Variants in PLCH1 observed in about 807,000 individuals in gnomAD.
PLCH1 encodes 1-phosphatidylinositol 4,5-bisphosphate phosphodiesterase eta-1.
A neutral mutation model predicts 126.7 loss-of-function variants in PLCH1; 60 were observed. That is an observed-to-expected ratio of 0.47 (90% CI 0.38 to 0.59). PLCH1 has a LOEUF of 0.59. Ranked by LOEUF, PLCH1 falls within the 20% of genes least tolerant of loss-of-function variation. The pLI is 0.00. For synonymous variants in PLCH1, 719 were observed against 734.9 expected, an observed-to-expected ratio of 0.98 and a Z score of 0.35; for missense variants, 1,723 against 2,040.0, an observed-to-expected ratio of 0.84 and a Z score of 2.99.
chr3:155,502,012 A>ACC (rs149191345), intron 13 of PLCH1, among the ~76,000 whole-genome samples: 13,719 of 151,608 alleles, frequency 0.09, 684 homozygotes, highest in African/African-American at 0.12. Flanking sequence ...CTTCTCCTAA[A>ACC]CCCCCCCAAA....
rs1728549192 is a variant in PLCH1, at chr3:155,566,375, A to ATG, written c.866-1259_866-1258dup. ...TACATATATATACACACATATATAT[A>ATG]TGTGTGTATATATATGTTGACTTTT... On this transcript the variant is annotated intron_variant, in intron 7 of 22. Coordinates refer to ENST00000460012, the MANE Select transcript of PLCH1 (RefSeq NM_014996.4). Among the ~76,000 whole-genome samples, 6 of 145,402 alleles carry ATG rather than the reference A, an allele frequency of 4.1e-5. 2 individuals are homozygous for ATG. The Middle Eastern group carries it at 0.022, about 527-fold the overall frequency.
At chr3:155,635,711 T>C (rs1246532652) in intron 2 of PLCH1, among the ~76,000 whole-genome samples, 1 of 152,246 alleles carries the variant, frequency 6.6e-6, no homozygotes, top group Non-Finnish European at 1.5e-5. Context: ...TGAAAAGCCA[T>C]GCCTTGCGGT....
At chr3:155,634,035 C>T (rs1173159824) in intron 2 of PLCH1, among the ~76,000 whole-genome samples, 1 of 152,142 alleles carries the variant, frequency 6.6e-6, no homozygotes, top group Non-Finnish European at 1.5e-5. Context: ...GTTGTTCTAA[C>T]AGCATCAATA....
At chr3:155,601,644 C>T (rs1011605387) in intron 2 of PLCH1, among the ~76,000 whole-genome samples, 1 of 152,122 alleles carries the variant, frequency 6.6e-6, no homozygotes, top group African/African-American at 2.4e-5. Flanking sequence ...ATGTTTGAAT[C>T]AGAAATAATC....
At chr3:155,463,184 C>A (rs1051584898) in intron 21 of PLCH1, among the ~76,000 whole-genome samples, 3 of 152,092 alleles carry the variant, frequency 2.0e-5, no homozygotes, top group African/African-American at 7.2e-5. Flanking sequence ...TGCACTCCCA[C>A]CCCCCAGTGA....
intron 21 of PLCH1, among the ~76,000 whole-genome samples, chr3:155,458,498 G>GA (rs776599269): frequency 2.9e-5 from 2 of 69,770 alleles, no homozygotes; most frequent in East Asian, 4.5e-4. Context: ...AAGAAAGAAA[G>GA]AGAAAGAAGA....
chr3:155,561,549 T>A (rs1311395579), intron 8 of PLCH1, among the ~76,000 whole-genome samples: 5 of 151,870 alleles, frequency 3.3e-5, no homozygotes, highest in African/African-American at 1.2e-4. Flanking sequence ...GACATTTGGG[T>A]TGGTTCCAAG....
intron 1 of PLCH1, among the ~76,000 whole-genome samples, chr3:155,706,106 A>G (rs112147792): frequency 0.11 from 15,772 of 143,528 alleles, 1,237 homozygotes; most frequent in African/African-American, 0.23. Context: ...CCCAGGAGGC[A>G]GAGGTTGCAG....
chr3:155,700,298 T>A (rs1266733441), intron 2 of PLCH1, among the ~76,000 whole-genome samples: 1 of 152,134 alleles, frequency 6.6e-6, no homozygotes, highest in Non-Finnish European at 1.5e-5. Context: ...ATTAATTAAC[T>A]AAGTCAATTA....
chr3:155,454,180 T>G (rs1712381801), intron 21 of PLCH1, among the ~76,000 whole-genome samples: 1 of 152,176 alleles, frequency 6.6e-6, no homozygotes, highest in African/African-American at 2.4e-5. Context: ...TGCTATCTGA[T>G]GTACACAGAA....
intron 4 of PLCH1, 22 bp downstream of exon 4, chr3:155,593,919 A>C: frequency 2.5e-6 from 4 of 1,611,846 alleles, no homozygotes; most frequent in Non-Finnish European, 3.4e-6. Context: ...GAGAGCTGAA[A>C]ATAAAGTTCT....
intron 2 of PLCH1, among the ~76,000 whole-genome samples, chr3:155,632,746 A>G (rs1738199570): frequency 6.6e-6 from 1 of 152,204 alleles, no homozygotes. Context: ...TTAGTAAACT[A>G]AAGAGGATGG....
intron 2 of PLCH1, among the ~76,000 whole-genome samples, chr3:155,688,966 G>T (rs572762471): frequency 6.6e-6 from 1 of 152,212 alleles, no homozygotes; most frequent in East Asian, 1.9e-4. Flanking sequence ...GGGGCCGGGG[G>T]GGATCTTGCC....
At chr3:155,603,707 T>C (rs909519800) in intron 2 of PLCH1, among the ~76,000 whole-genome samples, 3 of 152,226 alleles carry the variant, frequency 2.0e-5, no homozygotes, top group African/African-American at 7.2e-5. Context: ...TTCCAGTTCT[T>C]CTGAAAGCTT....
chr3:155,549,205 C>T (rs562835098), intron 10 of PLCH1, among the ~76,000 whole-genome samples: 5 of 152,108 alleles, frequency 3.3e-5, no homozygotes, highest in Non-Finnish European at 2.9e-5. Flanking sequence ...TAGTAAGCTT[C>T]CTCTCTCAGA....
At chr3:155,638,372 T>C (rs535047255) in intron 2 of PLCH1, among the ~76,000 whole-genome samples, 209 of 152,354 alleles carry the variant, frequency 1.4e-3, no homozygotes, top group African/African-American at 4.9e-3. Context: ...CCTTTAACCA[T>C]GTACATGTTC....
rs570407244 is a variant in PLCH1, at chr3:155,607,863, T to G, written c.80-11485A>C. Among the ~76,000 whole-genome samples, 11 of 152,316 alleles carry G rather than the reference T, an allele frequency of 7.2e-5. No homozygotes were observed. The East Asian group carries it at 2.1e-3, about 29-fold the overall frequency. On this transcript the variant is annotated intron_variant, in intron 2 of 22. Coordinates refer to ENST00000460012, the MANE Select transcript of PLCH1 (RefSeq NM_014996.4). ...CAGGACAGAGTATGGAGACTCACAC[T>G]GTGAAATTCTGCTCCAAGAACCACT...
chr3:155,468,283 A>G (rs924148142), intron 21 of PLCH1, among the ~76,000 whole-genome samples: 2 of 152,230 alleles, frequency 1.3e-5, no homozygotes, highest in South Asian at 4.1e-4. Flanking sequence ...GCAAGAAACT[A>G]AATCATATCA....
intron 18 of PLCH1, 51 bp from the exon 19 acceptor site, chr3:155,490,919 T>C (rs779686551): frequency 2.7e-5 from 27 of 1,008,962 alleles, no homozygotes; most frequent in Middle Eastern, 2.1e-4. Context: ...TCTATACATA[T>C]GTTAATTAAT....
Sources: gnomAD v4.1 joint callset for allele counts (sites outside exome capture counted in the v4.1 genomes callset) on GRCh38, gnomAD v4.1.1 for gene constraint, MANE v1.5 for transcripts, NCBI Gene and HGNC (gene_info 2026-07-23, HGNC 2026-07-21) for gene names.